Variants in BPNT1 observed in about 807,000 individuals in gnomAD.
The protein encoded by BPNT1 is 3'(2'),5'-bisphosphate nucleotidase 1.
Under a neutral mutation model 36.9 loss-of-function variants are expected in BPNT1, and 28 were observed. That is an observed-to-expected ratio of 0.76 (90% CI 0.56 to 1.04). The LOEUF (loss-of-function observed/expected upper bound fraction) is 1.04, where lower values mean the gene tolerates loss of function less well. Among genes scored for constraint, BPNT1 ranks in the 50% least tolerant of loss-of-function variants. The pLI is 0.00. For missense variants in BPNT1, 313 were observed against 372.9 expected (o/e 0.84, Z 1.32); for synonymous variants, 119 against 130.9 (o/e 0.91, Z 0.62).
At chr1:220,061,379 C>T (rs933880548) in intron 7 of BPNT1, among the ~76,000 whole-genome samples, 6 of 151,660 alleles carry the variant, frequency 4.0e-5, no homozygotes, top group African/African-American at 1.5e-4. Context: ...TCTAGAAATA[C>T]AAAAATTAGC....
At chr1:220,081,176 C>A (rs988647192) in intron 1 of BPNT1, among the ~76,000 whole-genome samples, 6 of 151,652 alleles carry the variant, frequency 4.0e-5, no homozygotes, top group East Asian at 1.9e-4. Context: ...ACCTCGTGAT[C>A]CCCCCCCTTG....
intron 7 of BPNT1, 68 bp downstream of exon 7, chr1:220,062,689 G>A (rs1221872407): frequency 1.3e-6 from 2 of 1,545,616 alleles, no homozygotes; most frequent in African/African-American, 2.7e-5. Flanking sequence ...CTTATTTCAT[G>A]TTTTTAGAAG....
chr1:220,062,499 T>C (rs995354893), intron 7 of BPNT1, among the ~76,000 whole-genome samples: 13 of 152,064 alleles, frequency 8.5e-5, no homozygotes, highest in Non-Finnish European at 1.5e-4. Context: ...CTGCATAGTA[T>C]TCCATGGTGT....
intron 1 of BPNT1, among the ~76,000 whole-genome samples, chr1:220,080,540 G>A (rs1011238518): frequency 6.6e-6 from 1 of 152,116 alleles, no homozygotes; most frequent in Non-Finnish European, 1.5e-5. Flanking sequence ...AAGACAAAGG[G>A]GGAAGCAAGA....
intron 2 of BPNT1, among the ~76,000 whole-genome samples, chr1:220,075,191 C>T (rs570826607): frequency 6.6e-6 from 1 of 152,094 alleles, no homozygotes; most frequent in Admixed American, 6.6e-5. Flanking sequence ...CTGCAGGTGT[C>T]CCCCACCATG....
At chr1:220,065,062 C>T (rs1198466172) in intron 6 of BPNT1, among the ~76,000 whole-genome samples, 2 of 152,176 alleles carry the variant, frequency 1.3e-5, no homozygotes, top group Admixed American at 6.5e-5. Context: ...CCTGCCTTGG[C>T]CTCCCAAAGT....
intron 1 of BPNT1, among the ~76,000 whole-genome samples, chr1:220,081,926 C>G (rs973097174): frequency 1.3e-5 from 2 of 151,738 alleles, no homozygotes; most frequent in African/African-American, 4.8e-5. Context: ...TCCGAAAGCA[C>G]TCCCTAATAA....
chr1:220,078,318 T>C (rs116121256), intron 2 of BPNT1, among the ~76,000 whole-genome samples: 18,767 of 143,926 alleles, frequency 0.13, 1,336 homozygotes, highest in Middle Eastern at 0.19. Context: ...ATATATAATA[T>C]ATATAACATA....
intron 6 of BPNT1, among the ~76,000 whole-genome samples, chr1:220,063,401 TCTC>T (rs1382209588): frequency 6.6e-6 from 1 of 152,108 alleles, no homozygotes; most frequent in Non-Finnish European, 1.5e-5. Flanking sequence ...GCAAAGAACT[TCTC>T]CTGAGAGAAT....
At chr1:220,073,851 A>T in intron 3 of BPNT1, 116 bp downstream of exon 3, 2 of 963,186 alleles carry the variant, frequency 2.1e-6, no homozygotes, top group Non-Finnish European at 3.2e-6. Flanking sequence ...TTTTGTGTTT[A>T]AAACAATAAA....
chr1:220,066,009 A>C, intron 6 of BPNT1: 1 of 1,270,610 alleles, frequency 7.9e-7, no homozygotes, highest in Non-Finnish European at 1.1e-6. Flanking sequence ...CACCTGGGGT[A>C]CCACAAGTTG....
chr1:220,073,000 G>A, intron 3 of BPNT1, 43 bp from the exon 4 acceptor site: 1 of 1,448,442 alleles, frequency 6.9e-7, no homozygotes, highest in Non-Finnish European at 9.7e-7. Context: ...GCTGTTTAGT[G>A]TTTACAGAGT....
In BPNT1 at chr1:220,058,215, G is replaced by A; in HGVS notation, c.*629C>T. 2 of 995,852 alleles carry A rather than the reference G, an allele frequency of 2.0e-6. No homozygotes were observed. Among genetic ancestry groups the A allele is most frequent in the Non-Finnish European group, 2.4e-6 (2 of 835,362 alleles). 61.7% of individuals were successfully genotyped at this position (995,852 alleles called of 1,614,324 possible). On this transcript the variant is annotated 3_prime_UTR_variant, in exon 9 of 9. Transcript: ENST00000322067. ...GAAATCTGGTTTAGAAGATAGGAAT[G>A]TTCATTGAACATTGACCTGAACTGT...
At chr1:220,067,695 C>A (rs1241822791) in intron 5 of BPNT1, among the ~76,000 whole-genome samples, 2 of 152,214 alleles carry the variant, frequency 1.3e-5, no homozygotes, top group African/African-American at 4.8e-5. Flanking sequence ...CCTCTTCCAC[C>A]ATCATCCAAC....
intron 1 of BPNT1, among the ~76,000 whole-genome samples, chr1:220,082,085 T>TATATATATATATATAGAG (rs1171093697): frequency 1.9e-5 from 2 of 103,296 alleles, no homozygotes; most frequent in African/African-American, 3.8e-5. Context: ...TATATATATA[T>TATATATATATATATAGAG]AGAGAGAGAG....
At chr1:220,088,269 G>A (rs1490096657) in intron 1 of BPNT1, among the ~76,000 whole-genome samples, 3 of 151,288 alleles carry the variant, frequency 2.0e-5, no homozygotes, top group Non-Finnish European at 3.0e-5. Context: ...CAAGGCAGGT[G>A]AATCACCTGA....
chr1:220,059,933 C>A, intron 7 of BPNT1, 142 bp from the exon 8 acceptor site: 1 of 581,244 alleles, frequency 1.7e-6, no homozygotes, highest in South Asian at 2.8e-5. Context: ...TTAGTTAAAG[C>A]TTTTAGCAGG....
At chr1:220,070,770 ATCT>A (rs912211662) in intron 4 of BPNT1, among the ~76,000 whole-genome samples, 12 of 149,972 alleles carry the variant, frequency 8.0e-5, no homozygotes, top group Non-Finnish European at 1.6e-4. Context: ...CCCCAGCACC[ATCT>A]CTTAAAGAGA....
At position 220,074,047 on chromosome 1, in the gene BPNT1, T is replaced by C; in HGVS notation, c.145A>G (p.Lys49Glu). 3.1e-6 allele frequency: 5 copies of C among 1,614,046 alleles called. No homozygotes were observed. The highest frequency in any genetic ancestry group is 4.2e-6 in the Non-Finnish European group (5 of 1,179,990). The change falls in exon 3 of 9, where the codon AAA becomes GAA. Residue 49 changes from lysine to glutamate, a missense_variant. Coordinates refer to ENST00000322067, the MANE Select transcript of BPNT1 (RefSeq NM_006085.6). Reference sequence around the variant, plus strand: ...CTCATCTGTGCCAATCGGTCAGCTTTGGTCTGCAGGTCTGTTGCACAGGTC... The same window carrying C: ...CTCATCTGTGCCAATCGGTCAGCTTCGGTCTGCAGGTCTGTTGCACAGGTC... The part of the protein sequence containing the change: ...EKTCATDLQT[K>E]ADRLAQMSIC...
Sources: gnomAD v4.1 joint callset for allele counts (sites outside exome capture counted in the v4.1 genomes callset) on GRCh38, gnomAD v4.1.1 for gene constraint, MANE v1.5 for transcripts, NCBI Gene and HGNC (gene_info 2026-07-23, HGNC 2026-07-21) for gene names.